Variants in ZEB2 observed in about 807,000 individuals in gnomAD.
ZEB2 encodes zinc finger E-box binding homeobox 2.
ZEB2 carries 6 observed loss-of-function variants against 99.9 expected under a neutral mutation model. That is an observed-to-expected ratio of 0.06 (90% CI 0.03 to 0.12). ZEB2 has a LOEUF of 0.12. Among genes scored for constraint, ZEB2 ranks in the 10% least tolerant of loss-of-function variants. The pLI, the probability that ZEB2 is intolerant of heterozygous loss-of-function variation, is 1.00. For missense variants in ZEB2, 969 were observed against 1,502.8 expected (o/e 0.64, Z 5.87); for synonymous variants, 517 against 542.5 (o/e 0.95, Z 0.65).
chr2:144,513,148 A>C, intron 2 of ZEB2: 2 of 1,285,840 alleles, frequency 1.6e-6, no homozygotes, highest in Non-Finnish European at 2.0e-6. Flanking sequence ...TTTCCTTTTC[A>C]TTTAAGCATC....
At chr2:144,483,550 T>TA (rs1704549500) in intron 2 of ZEB2, among the ~76,000 whole-genome samples, 1 of 152,240 alleles carries the variant, frequency 6.6e-6, no homozygotes, top group Non-Finnish European at 1.5e-5. Flanking sequence ...CCCAGGCCAA[T>TA]ATAATTTGTT....
chr2:144,508,278 AG>A (rs1704978577), intron 2 of ZEB2, among the ~76,000 whole-genome samples: 1 of 152,052 alleles, frequency 6.6e-6, no homozygotes. Context: ...CGGATCTGGG[AG>A]GCAGGGTGCA....
chr2:144,453,443 A>G (rs554825266), intron 2 of ZEB2, among the ~76,000 whole-genome samples: 15 of 152,294 alleles, frequency 9.8e-5, no homozygotes, highest in Admixed American at 5.2e-4. Context: ...CATCTCAAAT[A>G]ATTTTTCACT....
At chr2:144,423,736 C>T (rs1161383746) in intron 4 of ZEB2, among the ~76,000 whole-genome samples, 2 of 151,978 alleles carry the variant, frequency 1.3e-5, no homozygotes, top group Admixed American at 6.6e-5. Flanking sequence ...TTATTTTATA[C>T]CCAGGAAAGT....
intron 2 of ZEB2, chr2:144,513,742 G>C (rs1441748748): frequency 5.2e-6 from 8 of 1,536,086 alleles, no homozygotes; most frequent in Middle Eastern, 1.7e-4. Flanking sequence ...GGCCGCACCG[G>C]TGGCAAGCAG....
intron 2 of ZEB2, among the ~76,000 whole-genome samples, chr2:144,442,231 T>C (rs1440204923): frequency 6.6e-6 from 1 of 152,208 alleles, no homozygotes; most frequent in African/African-American, 2.4e-5. Flanking sequence ...ACAGAATCAC[T>C]GTACAAATCA....
Position 144,400,075 on chromosome 2 carries a change from T to A in ZEB2, c.1112A>T (p.Asn371Ile), listed in dbSNP as rs1290033369. 2 of 1,613,540 alleles carry A rather than the reference T, an allele frequency of 1.2e-6. No individual in the cohort carries two copies. Among genetic ancestry groups the A allele is most frequent in the African/African-American group, 2.7e-5 (2 of 74,934 alleles). ...PTNSAITQLRNKLENGKPLSM... is the reference protein window; with the variant it reads ...PTNSAITQLRIKLENGKPLSM... The stretch of plus-strand genomic sequence containing the variant: ...AAGTGGTTTTCCATTCTCCAACTTG[T>A]TTCTTAACTGGGTAATGGCTGAATT... Residue 371 changes from asparagine (N) to isoleucine (I), a missense_variant, in exon 8 of 10, where the codon AAC becomes ATC. Around this residue, in one of 8 missense-constraint regions of ZEB2, gnomAD observed 227 missense variants for 278.2 expected, o/e 0.82. Coordinates refer to ENST00000627532, the MANE Select transcript of ZEB2 (RefSeq NM_014795.4).
chr2:144,389,655 G>C lies in ZEB2; in HGVS notation c.3441C>G (p.Gly1147=), dbSNP rs1392915530. ...EKEHEKEGED[G]YGKLGRQDGD... ...CATCCTGTCTGCCCAGCTTCCCGTA[G>C]CCATCCTCGCCTTCTTTCTCGTGCT... is the stretch of plus-strand genomic sequence containing the variant. Residue 1147 remains glycine (G), a synonymous_variant, in exon 10 of 10, where the codon GGC becomes GGG. Transcript: ENST00000627532. This position sits in a 1 kb window ranked among gnomAD's most constrained non-coding sequence, Gnocchi z 6.8. The C allele has an allele frequency of 6.2e-7, 1 of 1,614,010 alleles. No individual in the cohort carries two copies. The highest frequency in any genetic ancestry group is 8.5e-7 in the Non-Finnish European group (1 of 1,180,020).
intron 1 of ZEB2, 88 bp from the exon 2 acceptor site, chr2:144,517,507 C>T (rs1021631667): frequency 1.2e-6 from 1 of 840,654 alleles, no homozygotes; most frequent in Non-Finnish European, 2.0e-6. Flanking sequence ...GCCAGGGCCC[C>T]GGCGAGCACC....
chr2:144,424,220 TA>T, intron 4 of ZEB2: 1 of 356,672 alleles, frequency 2.8e-6, no homozygotes, highest in Non-Finnish European at 5.5e-6. Context: ...TTAGCTTCAT[TA>T]AAAATAAGTA....
chr2:144,422,333 TC>T (rs1420551250), intron 4 of ZEB2, among the ~76,000 whole-genome samples: 1 of 152,196 alleles, frequency 6.6e-6, no homozygotes, highest in Non-Finnish European at 1.5e-5. Flanking sequence ...TTACTCACTA[TC>T]CTCTGAATAG....
intron 2 of ZEB2, among the ~76,000 whole-genome samples, chr2:144,458,696 G>A (rs1440186696): frequency 1.3e-5 from 2 of 152,080 alleles, no homozygotes; most frequent in African/African-American, 4.8e-5. Flanking sequence ...ATTTTCTCAG[G>A]TTTAACTAAA....
At chr2:144,516,302 T>C (rs1705141765) in intron 2 of ZEB2, 1 of 144,730 alleles carries the variant, frequency 6.9e-6, no homozygotes, top group Non-Finnish European at 1.5e-5. Flanking sequence ...ATCACTTTTC[T>C]CTTTTATTCC....
intron 2 of ZEB2, 129 bp downstream of exon 2, chr2:144,517,149 G>A: frequency 2.9e-6 from 3 of 1,047,346 alleles, no homozygotes; most frequent in Non-Finnish European, 3.9e-6. Flanking sequence ...GCCGCGGAGG[G>A]AGGCTCGCCC....
At chr2:144,492,171 C>T (rs183435078) in intron 2 of ZEB2, among the ~76,000 whole-genome samples, 2 of 152,068 alleles carry the variant, frequency 1.3e-5, no homozygotes, top group African/African-American at 4.8e-5. Context: ...ACAAAGAAAC[C>T]GTCAGATTAA....
chr2:144,498,337 A>G (rs1241760802), intron 2 of ZEB2, among the ~76,000 whole-genome samples: 1 of 150,454 alleles, frequency 6.6e-6, no homozygotes. Flanking sequence ...TAAACTCAGA[A>G]CCAGTGCAGC....
chr2:144,413,489 C>T (rs1321146149), intron 4 of ZEB2, among the ~76,000 whole-genome samples: 19 of 152,176 alleles, frequency 1.2e-4, no homozygotes, highest in Admixed American at 2.0e-4. Context: ...TCCCCCGTCT[C>T]ACCTGCCAAG....
intron 2 of ZEB2, among the ~76,000 whole-genome samples, chr2:144,441,442 T>C (rs1703916967): frequency 6.6e-6 from 1 of 151,986 alleles, no homozygotes; most frequent in Non-Finnish European, 1.5e-5. Context: ...ATGGACTTCC[T>C]TCCTTCACTG....
chr2:144,455,043 CAA>C (rs1474380013), intron 2 of ZEB2: 1 of 152,168 alleles, frequency 6.6e-6, no homozygotes, highest in Non-Finnish European at 1.5e-5. Context: ...TCAAACGCTG[CAA>C]AGTTACCTGA....
Sources: gnomAD v4.1 joint callset for allele counts (sites outside exome capture counted in the v4.1 genomes callset) on GRCh38, gnomAD v4.1.1 for gene constraint, gnomAD v4.1.1 regional missense constraint, Gnocchi (gnomAD v3.1) non-coding constraint, MANE v1.5 for transcripts, NCBI Gene and HGNC (gene_info 2026-07-23, HGNC 2026-07-21) for gene names.